SDK1: variants seen among roughly 807,000 people sequenced by gnomAD.
SDK1 encodes the protein sidekick cell adhesion molecule 1.
In SDK1, 157 loss-of-function variants were observed where a neutral mutation model predicts 245.5. The ratio of observed to expected loss-of-function variants is 0.64; its 90% CI spans 0.56 to 0.73. The LOEUF is 0.73. Among genes scored for constraint, SDK1 ranks in the 30% least tolerant of loss-of-function variants. The pLI, the probability that SDK1 is intolerant of heterozygous loss-of-function variation, is 0.00. For missense variants in SDK1, 3,583 were observed against 3,002.3 expected, an observed-to-expected ratio of 1.19 and a Z score of -4.52; for synonymous variants, 1,647 against 1,278.5, an observed-to-expected ratio of 1.29 and a Z score of -6.15.
chr7:4,114,722 C>T (rs1783589168), intron 25 of SDK1, among the ~76,000 whole-genome samples: 1 of 152,144 alleles, frequency 6.6e-6, no homozygotes, highest in Non-Finnish European at 1.5e-5. Flanking sequence ...ACTTCTCACT[C>T]ATATTGTGGT....
intron 2 of SDK1, among the ~76,000 whole-genome samples, chr7:3,621,459 A>T (rs866977079): frequency 6.6e-6 from 1 of 152,234 alleles, no homozygotes; most frequent in Non-Finnish European, 1.5e-5. Context: ...TGGAGTTTCA[A>T]AGAACCCAGA....
intron 40 of SDK1, among the ~76,000 whole-genome samples, chr7:4,232,479 A>G (rs1785858914): frequency 8.4e-6 from 1 of 118,824 alleles, no homozygotes; most frequent in Non-Finnish European, 1.7e-5. Flanking sequence ...GTTTTTTGAG[A>G]TAGAGTCTCA....
intron 1 of SDK1, among the ~76,000 whole-genome samples, chr7:3,586,700 G>A (rs570285271): frequency 8.4e-4 from 115 of 136,160 alleles, no homozygotes; most frequent in African/African-American, 2.1e-3. Flanking sequence ...GCAAGACTCC[G>A]TCTCAAAAAA....
At chr7:3,714,784 G>A (rs1286893050) in intron 4 of SDK1, among the ~76,000 whole-genome samples, 5 of 152,178 alleles carry the variant, frequency 3.3e-5, no homozygotes, top group African/African-American at 1.2e-4. Flanking sequence ...TTGTAGGACG[G>A]TTCATTTCCC....
chr7:3,561,864 A>G (rs979077003), intron 1 of SDK1, among the ~76,000 whole-genome samples: 5 of 152,366 alleles, frequency 3.3e-5, no homozygotes, highest in African/African-American at 1.2e-4. Context: ...ACATGTTCTT[A>G]TAAGGAACCT....
intron 38 of SDK1, among the ~76,000 whole-genome samples, chr7:4,216,350 C>A (rs956959435): frequency 3.3e-5 from 5 of 152,208 alleles, no homozygotes; most frequent in African/African-American, 1.2e-4. Context: ...GGCCCCGCCC[C>A]ACGGCCGCTG....
intron 1 of SDK1, among the ~76,000 whole-genome samples, chr7:3,533,469 G>T (rs1783416589): frequency 6.6e-6 from 1 of 152,132 alleles, no homozygotes; most frequent in Non-Finnish European, 1.5e-5. Context: ...TATTCTCCAG[G>T]CAGTAAGGGC....
rs746412270 is a variant in SDK1 at position 4,049,360 on chromosome 7, C to G, written c.2615C>G (p.Pro872Arg). The G allele has an allele frequency of 6.2e-7, 1 of 1,614,060 alleles. No homozygotes were observed. The highest frequency in any genetic ancestry group is 1.1e-5 in the South Asian group (1 of 91,086). ...EYTLQGVPTAPPQNVQTEAVN... is the reference protein window; with the variant it reads ...EYTLQGVPTARPQNVQTEAVN... The stretch of plus-strand genomic sequence containing the variant: ...TGCCCTGCCACAGTGCCCACCGCGC[C>G]CCCGCAGAACGTGCAGACGGAAGCC... Residue 872 changes from proline to arginine, a missense_variant, in exon 18 of 45, where the codon CCC (proline) becomes CGC (arginine). Pro to Arg is a moderately radical substitution (Grantham distance 103). Coordinates refer to ENST00000404826, the MANE Select transcript of SDK1 (RefSeq NM_152744.4).
chr7:3,902,913 A>T (rs543201189), intron 5 of SDK1, among the ~76,000 whole-genome samples: 1 of 152,308 alleles, frequency 6.6e-6, no homozygotes, highest in Admixed American at 6.5e-5. Flanking sequence ...ACACATAAAG[A>T]ATTTTTACCA....
chr7:3,402,343 T>C (rs1778911761), intron 1 of SDK1, among the ~76,000 whole-genome samples: 1 of 152,206 alleles, frequency 6.6e-6, no homozygotes, highest in South Asian at 2.1e-4. Flanking sequence ...TAGTTTTTAT[T>C]GTGTCTGCCC....
intron 17 of SDK1, among the ~76,000 whole-genome samples, chr7:4,035,216 C>T (rs796639115): frequency 6.6e-5 from 10 of 152,060 alleles, no homozygotes; most frequent in African/African-American, 2.4e-4. Flanking sequence ...AACTCCTGAC[C>T]TCAAGCAATC....
intron 5 of SDK1, among the ~76,000 whole-genome samples, chr7:3,905,887 G>A (rs1357325354): frequency 6.6e-6 from 1 of 152,112 alleles, no homozygotes; most frequent in Non-Finnish European, 1.5e-5. Context: ...GCCTCCCAAA[G>A]TGCTGAGATT....
chr7:4,114,213 C>T lies in SDK1; in HGVS notation c.3762C>T (p.Ala1254=). 6.2e-7 allele frequency: 1 copy of T among 1,613,644 alleles called. No individual in the cohort carries two copies. The highest frequency in any genetic ancestry group is 8.5e-7 in the Non-Finnish European group (1 of 1,179,952). ...TGGAATACGAGCTGCAGATGCAGGC[C>T]TTCAACGCCGTCGGGGCTGGGCCGT... ...EWMEYELQMQ[A]FNAVGAGPWS... The change falls in exon 25 of 45, where the codon GCC becomes GCT. Residue 1254 remains alanine, a synonymous_variant. Transcript: ENST00000404826.
chr7:4,185,959 G>A (rs13235716), intron 35 of SDK1, among the ~76,000 whole-genome samples: 1 of 152,114 alleles, frequency 6.6e-6, no homozygotes, highest in African/African-American at 2.4e-5. Context: ...GAGCTCTAAG[G>A]GGGGATGGAG....
intron 44 of SDK1, among the ~76,000 whole-genome samples, chr7:4,255,590 G>A (rs546704621): frequency 1.3e-5 from 2 of 152,290 alleles, no homozygotes; most frequent in Admixed American, 6.5e-5. Context: ...GGCTGGATGC[G>A]GGACAGGAGC....
At chr7:4,143,791 C>T (rs1015949083) in intron 28 of SDK1, among the ~76,000 whole-genome samples, 1 of 152,216 alleles carries the variant, frequency 6.6e-6, no homozygotes, top group Non-Finnish European at 1.5e-5. Flanking sequence ...CCGACTCTCT[C>T]GTCACTTTCT....
intron 5 of SDK1, among the ~76,000 whole-genome samples, chr7:3,945,900 A>G (rs1173119132): frequency 9.4e-5 from 5 of 53,292 alleles, no homozygotes; most frequent in Admixed American, 4.3e-4. Flanking sequence ...CTCTGTCTGT[A>G]AAAAAAAAAA....
In SDK1 at chr7:3,950,985, G is replaced by A. The variant is rs2128125153; in HGVS notation, c.910G>A (p.Val304Met). The A allele has an allele frequency of 2.5e-6, 4 of 1,614,098 alleles. No individual in the cohort carries two copies. The highest frequency in any genetic ancestry group is 2.2e-5 in the East Asian group (1 of 44,878). Residue 304 changes from valine to methionine, a missense_variant, in exon 6 of 45, where the codon GTG (valine) becomes ATG (methionine). Coordinates refer to ENST00000404826, the MANE Select transcript of SDK1 (RefSeq NM_152744.4). ...TIVVPPGNRS[V>M]VAGSSETTLE... ...TGTGGTTCCCCCGGGCAACAGAAGT[G>A]TGGTGGCTGGATCCAGTGAGACCAC...
rs560082277 is a variant in SDK1 at position 3,641,767 on chromosome 7, G to A, written c.566-191G>A. ...TGCAGCGTGGGCGCTTTGGAGGCGC[G>A]TGGCTTGCCCGGTGCTTCACTCGCA... On this transcript the variant is annotated intron_variant, in intron 3 of 44. Transcript: ENST00000404826. 2.0e-5 allele frequency among the ~76,000 whole-genome samples: 3 copies of A among 152,324 alleles called. No homozygotes were observed. The South Asian group carries it at 6.2e-4, about 32-fold the overall frequency.
Sources: gnomAD v4.1 joint callset for allele counts (sites outside exome capture counted in the v4.1 genomes callset) on GRCh38, gnomAD v4.1.1 for gene constraint, MANE v1.5 for transcripts, NCBI Gene and HGNC (gene_info 2026-07-23, HGNC 2026-07-21) for gene names.